The following LRRTM4 variants were observed in gnomAD, a reference collection of about 807,000 sequenced individuals.
LRRTM4 encodes the protein leucine rich repeat transmembrane neuronal 4, also known as leucine-rich repeat transmembrane neuronal protein 4.
LRRTM4 carries 25 observed loss-of-function variants against 47.6 expected under a neutral mutation model. That is an observed-to-expected ratio of 0.53 (90% confidence interval 0.38 to 0.73). The LOEUF (loss-of-function observed/expected upper bound fraction) is 0.73. LRRTM4 is among the 30% of genes least tolerant of loss of function. The probability of loss-of-function intolerance (pLI) is 0.00; values close to 1 mark genes in which losing one functional copy is unlikely to be tolerated. For synonymous variants in LRRTM4, 311 were observed against 269.5 expected (o/e 1.15, Z -1.51); for missense variants, 638 against 713.4 (o/e 0.89, Z 1.20).
intron 3 of LRRTM4, among the ~76,000 whole-genome samples, chr2:76,765,703 T>C (rs1673428372): frequency 6.6e-6 from 1 of 152,230 alleles, no homozygotes. Flanking sequence ...GCTATCACCT[T>C]AAGCTTGGAC....
At chr2:76,943,269 T>C (rs919734049) in intron 3 of LRRTM4, among the ~76,000 whole-genome samples, 1 of 152,020 alleles carries the variant, frequency 6.6e-6, no homozygotes, top group African/African-American at 2.4e-5. Flanking sequence ...ACCCCGTCTC[T>C]ACTAAAAACA....
chr2:76,973,104 T>A (rs895779652), intron 3 of LRRTM4, among the ~76,000 whole-genome samples: 3 of 151,928 alleles, frequency 2.0e-5, no homozygotes, highest in African/African-American at 7.2e-5. Flanking sequence ...TATCATCAAG[T>A]AAGATATAAA....
chr2:76,814,464 T>C lies in LRRTM4; in HGVS notation c.1552-65548A>G, dbSNP rs1339976416. ...TACACTTGACTCTCCTTATCCATGG[T>C]TCTGCATCTGCGGATTCAAACAACC... is the stretch of plus-strand genomic sequence containing the variant. On this transcript the variant is annotated intron_variant, in intron 3 of 3. Coordinates refer to ENST00000409884, the MANE Select transcript of LRRTM4 (RefSeq NM_001134745.3). Among the ~76,000 whole-genome samples the C allele has an allele frequency of 2.0e-5, 3 of 152,058 alleles. No individual in the cohort carries two copies. The East Asian group carries it at 5.8e-4, about 29-fold the overall frequency.
At chr2:77,274,392 T>A (rs115894965) in intron 3 of LRRTM4, among the ~76,000 whole-genome samples, 73 of 152,256 alleles carry the variant, frequency 4.8e-4, no homozygotes, top group Non-Finnish European at 8.1e-4. Context: ...ACAATAAAGG[T>A]CATGGTGTTT....
At chr2:77,457,128 A>C (rs1242959329) in intron 3 of LRRTM4, among the ~76,000 whole-genome samples, 1 of 148,330 alleles carries the variant, frequency 6.7e-6, no homozygotes, top group Non-Finnish European at 1.5e-5. Context: ...ATTTTTAAAA[A>C]TACTAGTTAT....
At chr2:77,360,527 GATACGATACA>G (rs1244751477) in intron 3 of LRRTM4, among the ~76,000 whole-genome samples, 1,368 of 110,198 alleles carry the variant, frequency 0.012, 7 homozygotes, top group South Asian at 0.017. Context: ...GATACGATAC[GATACGATACA>G]ATACAATCAT....
intron 3 of LRRTM4, among the ~76,000 whole-genome samples, chr2:77,021,599 A>G (rs1678272860): frequency 2.0e-5 from 3 of 152,218 alleles, no homozygotes; most frequent in Non-Finnish European, 4.4e-5. Context: ...GTGAAAGACC[A>G]CATAGAGAAA....
At chr2:77,122,057 T>A (rs933951764) in intron 3 of LRRTM4, among the ~76,000 whole-genome samples, 1 of 151,680 alleles carries the variant, frequency 6.6e-6, no homozygotes, top group Non-Finnish European at 1.5e-5. Flanking sequence ...ATATAAATAT[T>A]ATTCTACCCA....
chr2:77,230,164 C>G (rs1228644343), intron 3 of LRRTM4, among the ~76,000 whole-genome samples: 2 of 152,080 alleles, frequency 1.3e-5, no homozygotes, highest in East Asian at 3.9e-4. Context: ...TTAATATAAA[C>G]AAGTCATATC....
chr2:76,810,249 T>C (rs1182722946), intron 3 of LRRTM4, among the ~76,000 whole-genome samples: 3 of 152,214 alleles, frequency 2.0e-5, no homozygotes, highest in African/African-American at 7.2e-5. Flanking sequence ...ACAATTCCAA[T>C]TCTTGATTAC....
chr2:77,360,210 T>A (rs970973543), intron 3 of LRRTM4, among the ~76,000 whole-genome samples: 2 of 152,058 alleles, frequency 1.3e-5, no homozygotes, highest in Non-Finnish European at 2.9e-5. Flanking sequence ...GTAATCCCAG[T>A]ACTACGGCAA....
At chr2:77,146,347 G>A (rs1672261224) in intron 3 of LRRTM4, among the ~76,000 whole-genome samples, 1 of 152,004 alleles carries the variant, frequency 6.6e-6, no homozygotes, top group South Asian at 2.1e-4. Flanking sequence ...TTCAACTCCT[G>A]CTCTCAAATT....
At chr2:76,931,172 T>G (rs889856051) in intron 3 of LRRTM4, among the ~76,000 whole-genome samples, 11 of 152,186 alleles carry the variant, frequency 7.2e-5, no homozygotes, top group African/African-American at 2.2e-4. Flanking sequence ...TATTTACTTT[T>G]TTATCAAGTC....
At chr2:77,175,096 G>C (rs1303560853) in intron 3 of LRRTM4, among the ~76,000 whole-genome samples, 8 of 137,652 alleles carry the variant, frequency 5.8e-5, no homozygotes, top group Middle Eastern at 3.9e-3. Context: ...TTTTGACACA[G>C]TCACACTCCT....
At chr2:77,100,672 A>T (rs2218569) in intron 3 of LRRTM4, among the ~76,000 whole-genome samples, 6,242 of 152,218 alleles carry the variant, frequency 0.041, 262 homozygotes, top group African/African-American at 0.1. Flanking sequence ...GGGAAAAATC[A>T]TTGAGGCAAT....
At chr2:76,779,234 T>G (rs553727495) in intron 3 of LRRTM4, among the ~76,000 whole-genome samples, 1 of 152,168 alleles carries the variant, frequency 6.6e-6, no homozygotes, top group African/African-American at 2.4e-5. Context: ...AAATGTATAT[T>G]GTGTTGATTT....
intron 3 of LRRTM4, among the ~76,000 whole-genome samples, chr2:77,136,449 A>C (rs1360150938): frequency 6.6e-6 from 1 of 152,228 alleles, no homozygotes; most frequent in Non-Finnish European, 1.5e-5. Context: ...ACAAACAGAA[A>C]GGACATCCAC....
At chr2:77,234,944 C>T (rs898330112) in intron 3 of LRRTM4, among the ~76,000 whole-genome samples, 1 of 152,042 alleles carries the variant, frequency 6.6e-6, no homozygotes, top group African/African-American at 2.4e-5. Context: ...TGCTTGTATC[C>T]AATGTTTTGC....
At chr2:77,078,345 A>G (rs1680413858) in intron 3 of LRRTM4, among the ~76,000 whole-genome samples, 1 of 150,090 alleles carries the variant, frequency 6.7e-6, no homozygotes, top group South Asian at 2.1e-4. Flanking sequence ...AGATAATTTT[A>G]TTGAAAAAAA....
Sources: allele counts gnomAD v4.1 joint callset (sites outside exome capture counted in the v4.1 genomes callset), GRCh38; gene constraint gnomAD v4.1.1; transcripts MANE v1.5; gene names NCBI Gene and HGNC (gene_info 2026-07-23, HGNC 2026-07-21).